ASCC1: variants seen among roughly 807,000 people sequenced by gnomAD.
ASCC1 encodes ASC-1 complex subunit P50.
A neutral mutation model predicts 46.6 loss-of-function variants in ASCC1; 35 were observed. That is an observed-to-expected ratio of 0.75 (90% CI 0.57 to 0.99). ASCC1 has a LOEUF of 0.99. Ranked by LOEUF, ASCC1 falls within the 50% of genes least tolerant of loss-of-function variation. The pLI is 0.00. For missense variants in ASCC1, 376 were observed against 428.7 expected (o/e 0.88, Z 1.09); for synonymous variants, 143 against 146.6 (o/e 0.98, Z 0.18).
intron 9 of ASCC1, among the ~76,000 whole-genome samples, chr10:72,110,322 G>A (rs945356068): frequency 1.3e-5 from 2 of 152,316 alleles, no homozygotes; most frequent in African/African-American, 4.8e-5. Context: ...GTACACAGGG[G>A]ACAGCAACAG....
At chr10:72,213,572 C>CA (rs2133542753) in intron 1 of ASCC1, among the ~76,000 whole-genome samples, 1 of 149,854 alleles carries the variant, frequency 6.7e-6, no homozygotes, top group South Asian at 2.1e-4. Flanking sequence ...TCACCCCCCC[C>CA]CCAAAAATGA....
At chr10:72,120,717 A>G (rs1461639445) in intron 9 of ASCC1, among the ~76,000 whole-genome samples, 1 of 152,162 alleles carries the variant, frequency 6.6e-6, no homozygotes, top group African/African-American at 2.4e-5. Flanking sequence ...AGAAGCCAAG[A>G]TAAGAATTAC....
chr10:72,116,542 C>A (rs752704805), intron 9 of ASCC1, among the ~76,000 whole-genome samples: 5 of 152,220 alleles, frequency 3.3e-5, no homozygotes, highest in Non-Finnish European at 5.9e-5. Flanking sequence ...TAGATCTTCT[C>A]ACTTACTATC....
At position 72,161,549 on chromosome 10, in the gene ASCC1, C is replaced by G. The variant is rs1475090766; in HGVS notation, c.615G>C (p.Glu205Asp). ...TGAGAATTACTCACTTAATGAATTCCTCTTTACACTGCTGTAGCATCTCAC... is the reference window on the plus strand; with the variant it reads ...TGAGAATTACTCACTTAATGAATTCGTCTTTACACTGCTGTAGCATCTCAC... ...QTCEMLQQCKEEFINDISGGK... is the reference protein window; with the variant it reads ...QTCEMLQQCKDEFINDISGGK... Residue 205 changes from glutamate to aspartate, a missense_variant, in exon 6 of 10, where the codon GAG (glutamate) becomes GAC (aspartate). Physicochemically the swap from Glu to Asp is conservative, Grantham distance 45. Transcript: ENST00000672957. The G allele has an allele frequency of 6.2e-7, 1 of 1,614,182 alleles. No individual in the cohort carries two copies. Among genetic ancestry groups the G allele is most frequent in the East Asian group, 2.2e-5 (1 of 44,888 alleles).
chr10:72,097,870 C>T (rs1180647825), intron 9 of ASCC1, among the ~76,000 whole-genome samples: 2 of 152,126 alleles, frequency 1.3e-5, no homozygotes, highest in African/African-American at 4.8e-5. Flanking sequence ...TTAAATTTGA[C>T]GTAACATATA....
chr10:72,212,011 C>G (rs940597004), intron 2 of ASCC1, among the ~76,000 whole-genome samples: 1 of 152,070 alleles, frequency 6.6e-6, no homozygotes, highest in Non-Finnish European at 1.5e-5. Flanking sequence ...TGGTGAAACA[C>G]TATCTCAACT....
At position 72,112,072 on chromosome 10, in the gene ASCC1, C is replaced by T. The variant is rs114070920; in HGVS notation, c.958-14622G>A. Among the ~76,000 whole-genome samples, 1,408 of 152,268 alleles carry T rather than the reference C, an allele frequency of 9.2e-3. 14 individuals are homozygous for T. The highest frequency in any genetic ancestry group is 0.032 in the African/African-American group (1,335 of 41,548). Reference sequence around the variant, plus strand: ...TTAGCCATTGTTGATACAAAGCCCCCGAAACTAAAACGGTTTTATTTGGTC... The same window carrying T: ...TTAGCCATTGTTGATACAAAGCCCCTGAAACTAAAACGGTTTTATTTGGTC... On this transcript the variant is annotated intron_variant, in intron 9 of 9. Transcript: ENST00000672957.
chr10:72,121,210 C>G (rs1370607013), intron 9 of ASCC1, among the ~76,000 whole-genome samples: 1 of 152,178 alleles, frequency 6.6e-6, no homozygotes, highest in Non-Finnish European at 1.5e-5. Context: ...ATGGTGCAAT[C>G]ATAGCTCACT....
At chr10:72,164,445 C>T (rs1738000297) in intron 5 of ASCC1, among the ~76,000 whole-genome samples, 1 of 152,158 alleles carries the variant, frequency 6.6e-6, no homozygotes, top group South Asian at 2.1e-4. Context: ...AAGGTTCATC[C>T]AAGCTGTAGC....
At chr10:72,107,399 T>C (rs1461301502) in intron 9 of ASCC1, among the ~76,000 whole-genome samples, 1 of 151,036 alleles carries the variant, frequency 6.6e-6, no homozygotes, top group African/African-American at 2.4e-5. Flanking sequence ...CCAAATACCG[T>C]GCATTTGTCT....
chr10:72,213,308 T>C lies in ASCC1; in HGVS notation c.-10A>G. The C allele has an allele frequency of 6.3e-7, 1 of 1,583,060 alleles. No individual in the cohort carries two copies. Among genetic ancestry groups the C allele is most frequent in the Non-Finnish European group, 8.7e-7 (1 of 1,152,232 alleles). On this transcript the variant is annotated 5_prime_UTR_variant, in exon 2 of 10. Coordinates refer to ENST00000672957, the MANE Select transcript of ASCC1 (RefSeq NM_001198800.3). ...GACGCAGAACTTCCATGACACTTTCTCCAAATGATATTCCAATTATGCCCT... is the reference window on the plus strand; with the variant it reads ...GACGCAGAACTTCCATGACACTTTCCCCAAATGATATTCCAATTATGCCCT...
chr10:72,204,590 A>T, intron 3 of ASCC1: 1 of 1,497,316 alleles, frequency 6.7e-7, no homozygotes, highest in Non-Finnish European at 9.0e-7. Flanking sequence ...ACTCCTTGTC[A>T]TCAACGTTAT....
At chr10:72,194,404 C>T (rs1855042070) in intron 5 of ASCC1, among the ~76,000 whole-genome samples, 1 of 149,308 alleles carries the variant, frequency 6.7e-6, no homozygotes, top group Non-Finnish European at 1.5e-5. Flanking sequence ...ACATCCAGTA[C>T]TGGCAAAAGT....
intron 5 of ASCC1, among the ~76,000 whole-genome samples, chr10:72,173,098 C>T (rs1027842368): frequency 6.7e-6 from 1 of 150,056 alleles, no homozygotes; most frequent in African/African-American, 2.5e-5. Context: ...CAAGACTTAA[C>T]TAGTAGAGCC....
At chr10:72,178,946 AAG>A (rs1207556978) in intron 5 of ASCC1, among the ~76,000 whole-genome samples, 2 of 152,194 alleles carry the variant, frequency 1.3e-5, no homozygotes, top group African/African-American at 2.4e-5. Flanking sequence ...TCAGAAGATG[AAG>A]AGTCTCACCT....
At chr10:72,132,970 T>C in intron 8 of ASCC1, 87 bp downstream of exon 8, 1 of 1,556,720 alleles carries the variant, frequency 6.4e-7, no homozygotes, top group Non-Finnish European at 8.9e-7. Context: ...ATATCAGAGA[T>C]TCTTTGATAG....
At chr10:72,153,117 G>T in intron 6 of ASCC1, 129 bp from the exon 7 acceptor site, 2 of 1,232,540 alleles carry the variant, frequency 1.6e-6, no homozygotes, top group African/African-American at 1.5e-5. Context: ...CATGGTAGTT[G>T]TGTTTTTTCC....
chr10:72,182,520 G>A (rs1051074405), intron 5 of ASCC1, among the ~76,000 whole-genome samples: 1 of 151,978 alleles, frequency 6.6e-6, no homozygotes, highest in African/African-American at 2.4e-5. Flanking sequence ...CAGGTGCCAC[G>A]GCAGGGTTGT....
chr10:72,156,521 G>A (rs905961315), intron 6 of ASCC1, among the ~76,000 whole-genome samples: 1 of 152,124 alleles, frequency 6.6e-6, no homozygotes, highest in South Asian at 2.1e-4. Flanking sequence ...CCAGAACTTC[G>A]GGAGGCTAAG....
Sources: allele counts gnomAD v4.1 joint callset (sites outside exome capture counted in the v4.1 genomes callset), GRCh38; gene constraint gnomAD v4.1.1; transcripts MANE v1.5; gene names NCBI Gene and HGNC (gene_info 2026-07-23, HGNC 2026-07-21).